Variants in TPM3 observed in about 807,000 individuals in gnomAD.
TPM3 encodes tropomyosin alpha-3 chain.
Under a neutral mutation model 43.1 loss-of-function variants are expected in TPM3, and 16 were observed. The observed-to-expected ratio is 0.37, with a 90% CI of 0.25 to 0.56. The LOEUF is 0.56. Among genes scored for constraint, TPM3 ranks in the 20% least tolerant of loss-of-function variants. The pLI is 0.77. For synonymous variants in TPM3, 101 were observed against 116.9 expected (o/e 0.86, Z 0.88); for missense variants, 176 against 337.2 (o/e 0.52, Z 3.74).
intron 3 of TPM3, among the ~76,000 whole-genome samples, chr1:154,174,763 G>C (rs1662107125): frequency 6.6e-6 from 1 of 151,238 alleles, no homozygotes. Flanking sequence ...CAAAGTGCTG[G>C]GATTACAGGT....
intron 2 of TPM3, chr1:154,182,914 CA>C: frequency 6.2e-7 from 1 of 1,604,448 alleles, no homozygotes; most frequent in African/African-American, 1.3e-5. Context: ...TGCTCCACGG[CA>C]AAAGGGACCT....
chr1:154,173,706 C>T (rs116711994), intron 3 of TPM3, among the ~76,000 whole-genome samples: 1,991 of 151,828 alleles, frequency 0.013, 45 homozygotes, highest in African/African-American at 0.045. Context: ...GTAATACATC[C>T]TGGCCAAGCG....
At chr1:154,173,342 C>A (rs1223234876) in intron 3 of TPM3, 141 bp from the exon 4 acceptor site, 7 of 746,768 alleles carry the variant, frequency 9.4e-6, no homozygotes, top group Non-Finnish European at 1.6e-5. Flanking sequence ...TTACTACTCC[C>A]ACACCTTAGT....
At chr1:154,183,005 T>C (rs200139477) in intron 2 of TPM3, 2 of 1,610,562 alleles carry the variant, frequency 1.2e-6, no homozygotes, top group Non-Finnish European at 1.7e-6. Flanking sequence ...CGGGCCCGCC[T>C]TTCTCCCTCA....
At chr1:154,170,493 A>C (rs777708729) in intron 7 of TPM3, 24 bp from the exon 8 acceptor site, 1 of 1,613,650 alleles carries the variant, frequency 6.2e-7, no homozygotes, top group East Asian at 2.2e-5. Context: ...GAAATTAGTC[A>C]GAACCAGAGA....
At chr1:154,179,251 T>G (rs975089458) in intron 2 of TPM3, among the ~76,000 whole-genome samples, 1 of 152,216 alleles carries the variant, frequency 6.6e-6, no homozygotes, top group Non-Finnish European at 1.5e-5. Context: ...GGAGGCAAGT[T>G]GGAAGGGAGT....
intron 2 of TPM3, among the ~76,000 whole-genome samples, chr1:154,182,614 A>C (rs1327568534): frequency 6.6e-6 from 1 of 151,974 alleles, no homozygotes; most frequent in East Asian, 1.9e-4. Flanking sequence ...AGGAAACCTC[A>C]AGCCAGAGCA....
intron 5 of TPM3, chr1:154,172,145 G>A (rs760183318): frequency 7.5e-6 from 12 of 1,605,618 alleles, no homozygotes; most frequent in Non-Finnish European, 9.4e-6. Context: ...GCCAGGTTGT[G>A]GGGAGGGAGA....
Position 154,176,652 on chromosome 1 carries a change from G to GAAA in TPM3, c.244-405_244-404insTTT, listed in dbSNP as rs376095488. On this transcript the variant is annotated intron_variant, in intron 2 of 9. Coordinates refer to ENST00000651641, the MANE Select transcript of TPM3 (RefSeq NM_152263.4). ...AACCTTTCAAGTGTCTCATAAAGCA[G>GAAA]GAAAAAAAAAAAAAAAAAAGCAAGG... 2.7e-3 allele frequency among the ~76,000 whole-genome samples: 327 copies of GAAA among 119,388 alleles called. 20 individuals carry two copies. The highest frequency in any genetic ancestry group is 0.013 in the South Asian group (44 of 3,500). 78.3% of individuals were successfully genotyped at this position (119,388 alleles called of 152,430 possible).
intron 2 of TPM3, chr1:154,187,575 G>T: frequency 1.1e-6 from 1 of 924,370 alleles, no homozygotes; most frequent in Non-Finnish European, 1.3e-6. Flanking sequence ...CCACATCTAG[G>T]TGAGGGGTGC....
rs1442484220 is a variant in TPM3, at chr1:154,191,895, T to C, written c.117+7A>G. ...AGCAGATGAGAGAGATCAATGCCAG[T>C]GCCTACCTGTTTACTTCTTTCTTCT... On this transcript the variant is annotated splice_region_variant and intron_variant, in intron 1 of 9. Coordinates refer to ENST00000651641, the MANE Select transcript of TPM3 (RefSeq NM_152263.4). 6.2e-7 allele frequency: 1 copy of C among 1,612,746 alleles called. No homozygotes were observed. The highest frequency in any genetic ancestry group is 8.5e-7 in the Non-Finnish European group (1 of 1,179,368).
chr1:154,174,424 T>G (rs1662053061), intron 3 of TPM3, among the ~76,000 whole-genome samples: 1 of 75,834 alleles, frequency 1.3e-5, no homozygotes, highest in Non-Finnish European at 2.6e-5. Context: ...AAAAATCCCA[T>G]CCCAGCTTCC....
chr1:154,158,286 A>T (rs1377962302), downstream of TPM3, among the ~76,000 whole-genome samples: 1 of 152,246 alleles, frequency 6.6e-6, no homozygotes, highest in Non-Finnish European at 1.5e-5. Flanking sequence ...AAGTAGTTGT[A>T]AGCAAACCTT....
At position 154,166,888 on chromosome 1, in the gene TPM3, G is replaced by A. The variant is rs1466395721; in HGVS notation, c.*1049C>T. ...AGTAGAGACGGGGTTTCACCATGTT[G>A]GCCGAGCTGGTCTCGAACTCATGAC... On this transcript the variant is annotated 3_prime_UTR_variant, in exon 10 of 10. Transcript: ENST00000651641. Among the ~76,000 whole-genome samples the A allele has an allele frequency of 2.0e-5, 3 of 152,058 alleles. No individual in the cohort carries two copies.
Position 154,167,552 on chromosome 1 carries a change from A to G in TPM3, c.*385T>C. ...TACTATCCTGAGTAACCTGTACTAA[A>G]TCCATCACTCTGGTAGAATCAGATC... On this transcript the variant is annotated 3_prime_UTR_variant, in exon 10 of 10. Transcript: ENST00000651641. The G allele has an allele frequency of 1.6e-5, 18 of 1,152,486 alleles. No homozygotes were observed. The highest frequency in any genetic ancestry group is 1.7e-5 in the Non-Finnish European group (16 of 930,432). The allele number at this position is 1,152,486 out of a possible 1,614,324, so 71.4% of individuals were successfully genotyped here. A position where few individuals can be genotyped will look rare whatever the true frequency, so the allele number is the denominator to read the frequency against.
In TPM3 at chr1:154,166,074, G is replaced by A. The variant is rs1424745478; in HGVS notation, c.*1863C>T. ...AATATCCTATACCTAGAAGATACCA[G>A]GAAGTGTCAGCTGAATAAATGAATC... On this transcript the variant is annotated 3_prime_UTR_variant, in exon 10 of 10. Transcript: ENST00000651641. 6.6e-6 allele frequency among the ~76,000 whole-genome samples: 1 copy of A among 152,238 alleles called. No individual in the cohort carries two copies. Among genetic ancestry groups the A allele is most frequent in the East Asian group, 1.9e-4 (1 of 5,184 alleles).
At chr1:154,176,365 A>C in intron 2 of TPM3, 117 bp from the exon 3 acceptor site, 5 of 1,439,464 alleles carry the variant, frequency 3.5e-6, no homozygotes, top group Non-Finnish European at 4.8e-6. Context: ...CGCAGGGTAG[A>C]ACTTGTCTTA....
chr1:154,157,297 G>T, downstream of TPM3: 1 of 441,836 alleles, frequency 2.3e-6, no homozygotes, highest in Admixed American at 3.6e-5. Context: ...CAGGACTGTG[G>T]AATTATTTGG....
chr1:154,158,547 CT>C (rs57123628), downstream of TPM3: 1 of 345,416 alleles, frequency 2.9e-6, no homozygotes. Flanking sequence ...TTTCACTTCC[CT>C]TTTTTCCACC....
Sources: allele counts gnomAD v4.1 joint callset (sites outside exome capture counted in the v4.1 genomes callset), GRCh38; gene constraint gnomAD v4.1.1; transcripts MANE v1.5; gene names NCBI Gene and HGNC (gene_info 2026-07-23, HGNC 2026-07-21).